MUC17: variants seen among roughly 807,000 people sequenced by gnomAD.
The protein encoded by MUC17 is mucin 17, cell surface associated.
Under a neutral mutation model 170.3 loss-of-function variants are expected in MUC17, and 190 were observed. That is an observed-to-expected ratio of 1.12 (90% confidence interval 0.99 to 1.26). The LOEUF is 1.26. MUC17 is among the 50% of genes most tolerant of loss of function. The probability of loss-of-function intolerance (pLI) is 0.00; values close to 1 mark genes in which losing one functional copy is unlikely to be tolerated. For missense variants in MUC17, 6,415 were observed against 5,530.0 expected, an observed-to-expected ratio of 1.16 and a Z score of -5.08; for synonymous variants, 2,325 against 2,002.5, an observed-to-expected ratio of 1.16 and a Z score of -4.30.
At position 101,042,838 on chromosome 7, in the gene MUC17, A is replaced by G. The variant is rs772040869; in HGVS notation, c.11422A>G (p.Thr3808Ala). 6.2e-7 allele frequency: 1 copy of G among 1,614,172 alleles called. No homozygotes were observed. The highest frequency in any genetic ancestry group is 8.5e-7 in the Non-Finnish European group (1 of 1,180,028). The part of the protein sequence containing the change: ...LEGTTTMPMS[T>A]TSERSTLLTT... The stretch of plus-strand genomic sequence containing the variant: ...AGGCACCACCACCATGCCTATGTCA[A>G]CTACGAGTGAAAGAAGCACTTTATT... The change falls in exon 3 of 13, where the codon ACT (threonine) becomes GCT (alanine). Residue 3808 changes from threonine (T) to alanine (A), a missense_variant. Thr to Ala is a moderately conservative substitution (Grantham distance 58). Transcript: ENST00000306151.
intron 10 of MUC17, 40 bp from the exon 11 acceptor site, chr7:101,053,299 C>T (rs867383417): frequency 1.2e-6 from 2 of 1,601,348 alleles, no homozygotes; most frequent in Non-Finnish European, 1.7e-6. Context: ...ATTCCTGTTC[C>T]CCAATCCTAA....
chr7:101,024,642 T>G (rs142971235), intron 1 of MUC17, among the ~76,000 whole-genome samples: 6 of 152,024 alleles, frequency 3.9e-5, no homozygotes, highest in Non-Finnish European at 7.4e-5. Context: ...ACATGAACAA[T>G]CTATTTCTCT....
chr7:101,036,584 C>A lies in MUC17; in HGVS notation c.5168C>A (p.Thr1723Asn), dbSNP rs71557228. ...TPVDNSTPVT[T>N]STEARSSPTT... is the part of the protein sequence containing the mutation. ...GTTGACAACAGCACACCTGTGACCA[C>A]TTCTACTGAAGCCCGTTCATCTCCT... The change falls in exon 3 of 13, where the codon ACT (threonine) becomes AAT (asparagine). Residue 1723 changes from threonine (T) to asparagine (N), a missense_variant. Transcript: ENST00000306151. The A allele has an allele frequency of 1.1e-4, 179 of 1,612,378 alleles. No homozygotes were observed. Among genetic ancestry groups the A allele is most frequent in the Middle Eastern group, 5.0e-4 (3 of 6,060 alleles).
rs752360913 is a variant in MUC17, at chr7:101,051,811, C to A, written c.12952C>A (p.Arg4318=). ...VTQYDPEEDC[R]KMAKEYGDYF... ...CCTGCACCCCCCACCAGAGGACTGC[C>A]GGAAGATGGCCAAGGAATATGGAGA... The change falls in exon 9 of 13, where the codon CGG becomes AGG. Residue 4318 remains arginine (R), a synonymous_variant. Coordinates refer to ENST00000306151, the MANE Select transcript of MUC17 (RefSeq NM_001040105.2). 1.7e-5 allele frequency: 27 copies of A among 1,613,222 alleles called. No individual in the cohort carries two copies. The highest frequency in any genetic ancestry group is 3.3e-5 in the Admixed American group (2 of 59,966).
Position 101,035,848 on chromosome 7 carries a change from A to G in MUC17, c.4432A>G (p.Thr1478Ala), listed in dbSNP as rs780888598. 6 of 1,597,780 alleles carry G rather than the reference A, an allele frequency of 3.8e-6. No individual in the cohort carries two copies. The African/African-American group carries it at 5.4e-5, about 14-fold the overall frequency. The change falls in exon 3 of 13, where the codon ACT (threonine) becomes GCT (alanine). Residue 1478 changes from threonine to alanine, a missense_variant. Physicochemically the swap from Thr to Ala is moderately conservative, Grantham distance 58. Coordinates refer to ENST00000306151, the MANE Select transcript of MUC17 (RefSeq NM_001040105.2). ...ANSEASTLSTTPVDSNSPVVT... is the reference protein window; with the variant it reads ...ANSEASTLSTAPVDSNSPVVT... ...TTCTGAGGCTAGCACCCTTTCAACA[A>G]CTCCTGTTGACTCTAACAGTCCTGT...
chr7:101,033,195 T>C lies in MUC17; in HGVS notation c.1779T>C (p.Thr593=), dbSNP rs760441148. 13 of 1,613,928 alleles carry C rather than the reference T, an allele frequency of 8.1e-6. No individual in the cohort carries two copies. In the East Asian group the frequency reaches 2.7e-4, roughly 33 times the overall value. ...VSSEASTTST[T]PADSNTFVTT... is the part of the protein sequence containing the mutation. Reference sequence around the variant, plus strand: ...CTGAGGCTAGCACCACTTCAACAACTCCTGCTGACTCCAACACTTTTGTGA... The same window carrying C: ...CTGAGGCTAGCACCACTTCAACAACCCCTGCTGACTCCAACACTTTTGTGA... The change falls in exon 3 of 13, where the codon ACT becomes ACC. Residue 593 remains threonine, a synonymous_variant. Coordinates refer to ENST00000306151, the MANE Select transcript of MUC17 (RefSeq NM_001040105.2).
chr7:101,034,690 C>G lies in MUC17; in HGVS notation c.3274C>G (p.Pro1092Ala). The change falls in exon 3 of 13, where the codon CCA becomes GCA. Residue 1092 changes from proline to alanine, a missense_variant. By Grantham distance (27) the Pro-to-Ala change is conservative. Transcript: ENST00000306151. ...TACAACTGCTGACGGTACCAGCATGCCAACCTCAACTTATAGTGAAGGAAG... is the reference window on the plus strand; with the variant it reads ...TACAACTGCTGACGGTACCAGCATGGCAACCTCAACTTATAGTGAAGGAAG... Reference protein sequence around the residue: ...SSTTADGTSMPTSTYSEGSTP... With the variant: ...SSTTADGTSMATSTYSEGSTP... 1 of 1,606,846 alleles carries G rather than the reference C, an allele frequency of 6.2e-7. No homozygotes were observed. Among genetic ancestry groups the G allele is most frequent in the African/African-American group, 1.3e-5 (1 of 74,618 alleles).
Position 101,020,232 on chromosome 7 carries a change from C to T in MUC17, c.82+15C>T, listed in dbSNP as rs572379601. The T allele has an allele frequency of 3.5e-5, 56 of 1,598,616 alleles. No individual in the cohort carries two copies. Among genetic ancestry groups the T allele is most frequent in the Middle Eastern group, 3.3e-4 (2 of 6,000 alleles). On this transcript the variant is annotated intron_variant, in intron 1 of 12. Coordinates refer to ENST00000306151, the MANE Select transcript of MUC17 (RefSeq NM_001040105.2). Reference sequence around the variant, plus strand: ...TGCAGAACAGGGTGAGTGACCCCCACGCCCCGCTGCCCAAGAGGCCCCCAT... The same window carrying T: ...TGCAGAACAGGGTGAGTGACCCCCATGCCCCGCTGCCCAAGAGGCCCCCAT...
chr7:101,026,628 A>T (rs1794184772), intron 1 of MUC17, among the ~76,000 whole-genome samples: 1 of 152,208 alleles, frequency 6.6e-6, no homozygotes, highest in Non-Finnish European at 1.5e-5. Flanking sequence ...TCTGTTGCCC[A>T]GGCTGGAGTG....
chr7:101,053,240 G>A, intron 10 of MUC17, 93 bp downstream of exon 10: 1 of 1,572,972 alleles, frequency 6.4e-7, no homozygotes. Flanking sequence ...TAGTCTAGGT[G>A]GGCAGCGGGG....
Position 101,042,708 on chromosome 7 carries a change from TG to T in MUC17, c.11293del (p.Val3765LeufsTer21). The part of the protein sequence containing the change: ...GTTILVSTTP[V>X]TRFPESSTPS... ...CCACTATTCTTGTCAGTACCACACC[TG>T]TTACGAGGTTTCCTGAGAGTAGCAC... On this transcript the variant is annotated frameshift_variant, in exon 3 of 13. Coordinates refer to ENST00000306151, the MANE Select transcript of MUC17 (RefSeq NM_001040105.2). LOFTEE classifies it high-confidence loss of function. The T allele has an allele frequency of 6.2e-7, 1 of 1,613,838 alleles. No homozygotes were observed. The highest frequency in any genetic ancestry group is 8.5e-7 in the Non-Finnish European group (1 of 1,180,016).
intron 3 of MUC17, among the ~76,000 whole-genome samples, chr7:101,045,394 T>C (rs1247321012): frequency 6.6e-6 from 1 of 151,686 alleles, no homozygotes; most frequent in Non-Finnish European, 1.5e-5. Flanking sequence ...TCTTTTCTTT[T>C]CTTTTTCTTT....
chr7:101,040,588 G>A lies in MUC17; in HGVS notation c.9172G>A (p.Val3058Met). The change falls in exon 3 of 13, where the codon GTG (valine) becomes ATG (methionine). Residue 3058 changes from valine to methionine, a missense_variant. By Grantham distance (21) the Val-to-Met change is conservative (BLOSUM62 1). Transcript: ENST00000306151. ...AAGTATACCTGTCAGCACCACGCCA[G>A]TGGCCATTCCTGAGGCTAGCACCCT... ...LTSIPVSTTPVAIPEASTLST... is the reference protein window; with the variant it reads ...LTSIPVSTTPMAIPEASTLST... 6.2e-7 allele frequency: 1 copy of A among 1,613,064 alleles called. No individual in the cohort carries two copies. Among genetic ancestry groups the A allele is most frequent in the Non-Finnish European group, 8.5e-7 (1 of 1,179,706 alleles).
In MUC17 at chr7:101,042,234, T is replaced by C. The variant is rs1421518806; in HGVS notation, c.10818T>C (p.Pro3606=). Residue 3606 remains proline, a synonymous_variant, in exon 3 of 13, where the codon CCT becomes CCC. Coordinates refer to ENST00000306151, the MANE Select transcript of MUC17 (RefSeq NM_001040105.2). ...PSTPSVDRST[P]VTTSTQSNST... ...CTCCTTCTGTTGACAGAAGCACACC[T>C]GTGACCACTTCTACTCAGAGCAATT... The C allele has an allele frequency of 1.9e-6, 3 of 1,614,194 alleles. No homozygotes were observed. The highest frequency in any genetic ancestry group is 2.2e-5 in the East Asian group (1 of 44,878).
Position 101,033,783 on chromosome 7 carries a change from AACCACTGAAGGT to A in MUC17, c.2372_2383del (p.Thr791_Thr794del). ...CTACTGAAGCCAGTTGCTCTCCTAC[AACCACTGAAGGT>A]ACCAGCATGCCAATCTCAACTCCTA... On this transcript the variant is annotated inframe_deletion, in exon 3 of 13. Coordinates refer to ENST00000306151, the MANE Select transcript of MUC17 (RefSeq NM_001040105.2). The A allele has an allele frequency of 6.2e-7, 1 of 1,614,054 alleles. No individual in the cohort carries two copies. Among genetic ancestry groups the A allele is most frequent in the African/African-American group, 1.3e-5 (1 of 74,996 alleles).
rs774444989 is a variant in MUC17 at position 101,040,765 on chromosome 7, G to T, written c.9349G>T (p.Val3117Leu). 1.2e-6 allele frequency: 2 copies of T among 1,613,204 alleles called. No individual in the cohort carries two copies. Among genetic ancestry groups the T allele is most frequent in the African/African-American group, 1.3e-5 (1 of 74,828 alleles). ...LTGVPVSTTP[V>L]TSSAISTLST... ...AGGTGTGCCTGTCAGCACCACACCG[G>T]TGACCAGTTCTGCAATCAGCACCCT... The change falls in exon 3 of 13, where the codon GTG (valine) becomes TTG (leucine). Residue 3117 changes from valine (V) to leucine (L), a missense_variant. By Grantham distance (32) the Val-to-Leu change is conservative. Coordinates refer to ENST00000306151, the MANE Select transcript of MUC17 (RefSeq NM_001040105.2).
chr7:101,045,475 C>T (rs529427472), intron 3 of MUC17, among the ~76,000 whole-genome samples: 1 of 151,988 alleles, frequency 6.6e-6, no homozygotes, highest in East Asian at 1.9e-4. Context: ...CTCACTGCAA[C>T]CTCCACCTCC....
chr7:101,042,610 A>G lies in MUC17; in HGVS notation c.11194A>G (p.Ile3732Val). ...STPVTTSTEAISSSATLDSTT... is the reference protein window; with the variant it reads ...STPVTTSTEAVSSSATLDSTT... ...ACCTGTGACCACTTCTACTGAAGCC[A>G]TTTCATCTTCTGCAACTCTTGACAG... Residue 3732 changes from isoleucine (I) to valine (V), a missense_variant, in exon 3 of 13, where the codon ATT becomes GTT. Ile to Val is a conservative substitution (Grantham distance 29). Coordinates refer to ENST00000306151, the MANE Select transcript of MUC17 (RefSeq NM_001040105.2). The G allele has an allele frequency of 1.2e-6, 2 of 1,614,046 alleles. No individual in the cohort carries two copies. The highest frequency in any genetic ancestry group is 1.7e-6 in the Non-Finnish European group (2 of 1,180,020).
In MUC17 at chr7:101,042,901, C is replaced by A. The variant is rs764243199; in HGVS notation, c.11485C>A (p.Pro3829Thr). The A allele has an allele frequency of 1.9e-6, 3 of 1,613,960 alleles. No homozygotes were observed. In the South Asian group the frequency reaches 3.3e-5, roughly 18 times the overall value. The change falls in exon 3 of 13, where the codon CCT (proline) becomes ACT (threonine). Residue 3829 changes from proline to threonine, a missense_variant. Transcript: ENST00000306151. Reference sequence around the variant, plus strand: ...CATCAGCCCTATATCTGTGATGAGTCCTTCTGAGGCCAGCACACTTTCAAC... The same window carrying A: ...CATCAGCCCTATATCTGTGATGAGTACTTCTGAGGCCAGCACACTTTCAAC... ...VLISPISVMS[P>T]SEASTLSTPP...
Sources: allele counts gnomAD v4.1 joint callset (sites outside exome capture counted in the v4.1 genomes callset), GRCh38; gene constraint gnomAD v4.1.1; transcripts MANE v1.5; gene names NCBI Gene and HGNC (gene_info 2026-07-23, HGNC 2026-07-21).